Variants in AFF3 observed in about 807,000 individuals in gnomAD.
AFF3 encodes AF4/FMR2 family member 3.
A neutral mutation model predicts 129.7 loss-of-function variants in AFF3; 32 were observed. The observed-to-expected ratio is 0.25, with a 90% CI of 0.19 to 0.33. The LOEUF (loss-of-function observed/expected upper bound fraction) is 0.33, where lower values mean the gene tolerates loss of function less well. AFF3 is among the 10% of genes least tolerant of loss of function. AFF3 has a pLI of 1.00. For synonymous variants in AFF3, 644 were observed against 635.4 expected, an observed-to-expected ratio of 1.01 and a Z score of -0.20; for missense variants, 1,373 against 1,592.0, an observed-to-expected ratio of 0.86 and a Z score of 2.34.
Position 100,014,754 on chromosome 2 carries a change from C to T in AFF3, c.54-5822G>A, listed in dbSNP as rs73964402. Among the ~76,000 whole-genome samples the T allele has an allele frequency of 9.6e-3, 1,443 of 149,814 alleles. 20 individuals carry two copies. Among genetic ancestry groups the T allele is most frequent in the African/African-American group, 0.034 (1,372 of 40,614 alleles). ...TATATTCAGAGGCGGTTATGTTACT[C>T]TCTCCATACCTCCATACCACCTTGC... On this transcript the variant is annotated intron_variant, in intron 4 of 24. Transcript: ENST00000672756.
At chr2:99,959,285 A>G (rs1056301610) in intron 7 of AFF3, among the ~76,000 whole-genome samples, 1 of 147,506 alleles carries the variant, frequency 6.8e-6, no homozygotes, top group Admixed American at 6.9e-5. Context: ...CAGGGTGTTG[A>G]GCACCACCAT....
In AFF3 at chr2:99,648,934, C is replaced by CTCTT. The variant is rs1553416965; in HGVS notation, c.1184+691_1184+692insAAGA. 9.2e-5 allele frequency among the ~76,000 whole-genome samples: 11 copies of CTCTT among 119,308 alleles called. 2 individuals are homozygous for CTCTT. The South Asian group carries it at 1.6e-3, about 17-fold the overall frequency. The allele number at this position is 119,308 out of a possible 152,430, so 78.3% of individuals were successfully genotyped here. A position where few individuals can be genotyped will look rare whatever the true frequency, so the allele number is the denominator to read the frequency against. ...ACACACACACTCTCTCTCTCTCTCT[C>CTCTT]TCTCCAATCTTAGTAAGTGAAAAAA... On this transcript the variant is annotated intron_variant, in intron 13 of 24. Transcript: ENST00000672756.
chr2:99,699,693 C>T (rs1476852177), intron 11 of AFF3, among the ~76,000 whole-genome samples: 5 of 152,160 alleles, frequency 3.3e-5, no homozygotes, highest in Non-Finnish European at 1.5e-5. Context: ...AATTCACACA[C>T]AAAAGTGCAA....
intron 4 of AFF3, among the ~76,000 whole-genome samples, chr2:100,063,208 G>A (rs531241574): frequency 3.1e-5 from 4 of 128,186 alleles, no homozygotes; most frequent in East Asian, 4.8e-4. Context: ...CCAAGATCGC[G>A]CCACTGCATT....
chr2:99,910,359 T>C (rs577883407), intron 7 of AFF3, among the ~76,000 whole-genome samples: 1 of 152,368 alleles, frequency 6.6e-6, no homozygotes, highest in African/African-American at 2.4e-5. Flanking sequence ...ACTTGATTAA[T>C]AATATACTAT....
intron 8 of AFF3, among the ~76,000 whole-genome samples, chr2:99,815,078 T>C (rs981370737): frequency 3.9e-5 from 6 of 152,016 alleles, no homozygotes; most frequent in African/African-American, 9.7e-5. Flanking sequence ...TTTTATTATA[T>C]AACAATGTCT....
chr2:99,656,103 G>C (rs1340183969), intron 12 of AFF3, among the ~76,000 whole-genome samples: 1 of 152,166 alleles, frequency 6.6e-6, no homozygotes, highest in African/African-American at 2.4e-5. Flanking sequence ...AGTTAAAGTT[G>C]CCTACAAGAT....
At chr2:99,939,928 T>C (rs1315122081) in intron 7 of AFF3, among the ~76,000 whole-genome samples, 3 of 152,212 alleles carry the variant, frequency 2.0e-5, no homozygotes, top group Admixed American at 2.0e-4. Flanking sequence ...GGGTGTATTG[T>C]TCTGGTGGGG....
chr2:100,101,277 G>A (rs879517327), intron 4 of AFF3, among the ~76,000 whole-genome samples: 15 of 152,200 alleles, frequency 9.9e-5, no homozygotes, highest in Non-Finnish European at 2.1e-4. Context: ...TTTCTATAAG[G>A]ACACTCTCTG....
chr2:99,639,497 T>C (rs1247741767), intron 13 of AFF3, among the ~76,000 whole-genome samples: 1 of 152,168 alleles, frequency 6.6e-6, no homozygotes. Flanking sequence ...TTGGCACTTA[T>C]CTCTCTTCAC....
At chr2:100,113,571 TA>T (rs1001987611) in intron 2 of AFF3, among the ~76,000 whole-genome samples, 9 of 152,138 alleles carry the variant, frequency 5.9e-5, no homozygotes, top group Non-Finnish European at 1.2e-4. Flanking sequence ...ACTAAGTGAA[TA>T]GGGGGGAATG....
At chr2:100,086,576 GAGA>G (rs1689447407) in intron 4 of AFF3, among the ~76,000 whole-genome samples, 1 of 152,200 alleles carries the variant, frequency 6.6e-6, no homozygotes, top group African/African-American at 2.4e-5. Context: ...ACCTAATGGT[GAGA>G]AGAACGTATC....
chr2:99,648,917 A>ACACACACACACACACACACACACACACT, intron 13 of AFF3, among the ~76,000 whole-genome samples: 2 of 46,874 alleles, frequency 4.3e-5, no homozygotes, highest in African/African-American at 1.3e-4. Context: ...ACACACACAC[A>ACACACACACACACACACACACACACACT]CTCTCTCTCT....
chr2:99,690,403 G>A (rs973713483), intron 11 of AFF3, among the ~76,000 whole-genome samples: 3 of 151,610 alleles, frequency 2.0e-5, no homozygotes, highest in East Asian at 2.0e-4. Context: ...GGATGGTCTC[G>A]ATCTCCTGAC....
At chr2:99,626,459 T>TC (rs202032275) in intron 13 of AFF3, among the ~76,000 whole-genome samples, 3 of 60,510 alleles carry the variant, frequency 5.0e-5, no homozygotes, top group African/African-American at 9.3e-5. Flanking sequence ...TCCCCTTCCT[T>TC]CCTTCCTCCC....
chr2:100,038,498 G>A (rs189575311), intron 4 of AFF3, among the ~76,000 whole-genome samples: 11 of 152,120 alleles, frequency 7.2e-5, no homozygotes, highest in Non-Finnish European at 8.8e-5. Flanking sequence ...AGAGAGCTTT[G>A]ATTTTATTTC....
chr2:99,864,991 G>A (rs1691272317), intron 7 of AFF3, among the ~76,000 whole-genome samples: 2 of 152,174 alleles, frequency 1.3e-5, no homozygotes, highest in Admixed American at 1.3e-4. Flanking sequence ...TGTCCCCTAT[G>A]AACTTCCTTT....
rs1422494771 is a variant in AFF3, at chr2:100,140,704, G to GGTTTCCTGGTTTGCC, written c.-228+1779_-228+1780insGGCAAACCAGGAAAC. On this transcript the variant is annotated intron_variant, in intron 1 of 24. Coordinates refer to ENST00000672756, the MANE Select transcript of AFF3 (RefSeq NM_001386135.1). Reference sequence around the variant, plus strand: ...CCATGTGCCTATTTCCTGGTTTGCTGTACAAGATGTGTATGAGTACATGTC... The same window carrying GGTTTCCTGGTTTGCC: ...CCATGTGCCTATTTCCTGGTTTGCTGGTTTCCTGGTTTGCCTACAAGATGTGTATGAGTACATGTC... Among the ~76,000 whole-genome samples, 4 of 152,246 alleles carry GGTTTCCTGGTTTGCC rather than the reference G, an allele frequency of 2.6e-5. No individual in the cohort carries two copies. In the East Asian group the frequency reaches 7.7e-4, roughly 29 times the overall value.
intron 13 of AFF3, among the ~76,000 whole-genome samples, chr2:99,634,961 T>TCACA (rs1480207163): frequency 1.6e-3 from 85 of 54,460 alleles, no homozygotes; most frequent in South Asian, 2.5e-3. Flanking sequence ...CTGGATTCTG[T>TCACA]CATACACACA....
Sources: allele counts gnomAD v4.1 joint callset (sites outside exome capture counted in the v4.1 genomes callset), GRCh38; gene constraint gnomAD v4.1.1; transcripts MANE v1.5; gene names NCBI Gene and HGNC (gene_info 2026-07-23, HGNC 2026-07-21).